Variants in UBE3C observed in about 807,000 individuals in gnomAD.
The protein encoded by UBE3C is ubiquitin protein ligase E3C, also known as ubiquitin-protein ligase E3C.
In UBE3C, 42 loss-of-function variants were observed where a neutral mutation model predicts 129.4. The observed-to-expected ratio is 0.32, with a 90% CI of 0.25 to 0.42. UBE3C has a LOEUF of 0.42. Ranked by LOEUF, UBE3C falls within the 10% of genes least tolerant of loss-of-function variation. The pLI, the probability that UBE3C is intolerant of heterozygous loss-of-function variation, is 1.00. For synonymous variants in UBE3C, 510 were observed against 492.4 expected (o/e 1.04, Z -0.47); for missense variants, 1,049 against 1,319.1 (o/e 0.80, Z 3.17).
At chr7:157,234,560 A>T (rs1320243802) in intron 18 of UBE3C, among the ~76,000 whole-genome samples, 3 of 152,172 alleles carry the variant, frequency 2.0e-5, no homozygotes, top group Non-Finnish European at 4.4e-5. Context: ...TCTATCCTGG[A>T]TATAGAATAA....
chr7:157,264,758 A>G (rs1343587276), intron 22 of UBE3C, among the ~76,000 whole-genome samples: 1 of 152,118 alleles, frequency 6.6e-6, no homozygotes, highest in Non-Finnish European at 1.5e-5. Flanking sequence ...TTTAGTAGAG[A>G]TGGGGTTTCG....
chr7:157,183,993 G>A lies in UBE3C; in HGVS notation c.1107G>A (p.Glu369=). 6.2e-7 allele frequency: 1 copy of A among 1,614,184 alleles called. No homozygotes were observed. The highest frequency in any genetic ancestry group is 2.2e-5 in the East Asian group (1 of 44,874). ...ASCHDSASDS[E]EESEEADKPS... ...GTCACGACTCAGCCAGTGACTCTGAGGAGGAGAGTGAAGAAGCCGACAAGC... is the reference window on the plus strand; with the variant it reads ...GTCACGACTCAGCCAGTGACTCTGAAGAGGAGAGTGAAGAAGCCGACAAGC... Residue 369 remains glutamate (E), a synonymous_variant, in exon 9 of 23, where the codon GAG becomes GAA. Transcript: ENST00000348165.
chr7:157,165,480 C>T (rs577219756), intron 2 of UBE3C, among the ~76,000 whole-genome samples: 47 of 151,352 alleles, frequency 3.1e-4, no homozygotes, highest in African/African-American at 1.0e-3. Flanking sequence ...TCACTGCAAC[C>T]TCCGCCTTCC....
chr7:157,162,270 C>T (rs1343827681), intron 1 of UBE3C, among the ~76,000 whole-genome samples: 1 of 151,990 alleles, frequency 6.6e-6, no homozygotes, highest in Non-Finnish European at 1.5e-5. Context: ...TCTTGGCTCT[C>T]TGCAAGCTCC....
At position 157,163,964 on chromosome 7, in the gene UBE3C, T is replaced by C. The variant is rs1417055127; in HGVS notation, c.120+101T>C. On this transcript the variant is annotated intron_variant, in intron 2 of 22. Transcript: ENST00000348165. Reference sequence around the variant, plus strand: ...TATATGTATGTGTGTATGTATTTTTTATATATGACAGAATGTGTGTGTATG... The same window carrying C: ...TATATGTATGTGTGTATGTATTTTTCATATATGACAGAATGTGTGTGTATG... 5 of 1,077,556 alleles carry C rather than the reference T, an allele frequency of 4.6e-6. No individual in the cohort carries two copies. In the African/African-American group the frequency reaches 6.3e-5, roughly 14 times the overall value. 66.7% of individuals were successfully genotyped at this position (1,077,556 alleles called of 1,614,324 possible).
chr7:157,217,183 A>G lies in UBE3C; in HGVS notation c.1914+212A>G, dbSNP rs553056159. The G allele has an allele frequency of 6.4e-5, 26 of 406,370 alleles. 1 individual carries two copies. The Admixed American group carries it at 9.8e-4, about 15-fold the overall frequency. 25.2% of individuals were successfully genotyped at this position (406,370 alleles called of 1,614,324 possible). A position where few individuals can be genotyped will look rare whatever the true frequency, so the allele number is the denominator to read the frequency against. ...CTTAAAATGATATTCTGAGTTATTA[A>G]TCCTCAATTTTCCTTTTTAACCTGA... On this transcript the variant is annotated intron_variant, in intron 14 of 22. Coordinates refer to ENST00000348165, the MANE Select transcript of UBE3C (RefSeq NM_014671.3).
chr7:157,246,159 G>T (rs763917986), intron 18 of UBE3C, among the ~76,000 whole-genome samples: 2 of 152,150 alleles, frequency 1.3e-5, no homozygotes, highest in African/African-American at 4.8e-5. Flanking sequence ...GAATCTCAAG[G>T]GGTGTCTGAG....
intron 17 of UBE3C, among the ~76,000 whole-genome samples, chr7:157,229,628 T>G (rs1795969133): frequency 6.7e-6 from 1 of 148,266 alleles, no homozygotes; most frequent in South Asian, 2.1e-4. Context: ...GTTTTTGGGG[T>G]TTTTAAATTT....
intron 10 of UBE3C, among the ~76,000 whole-genome samples, chr7:157,200,217 A>C (rs1018518510): frequency 2.0e-5 from 3 of 152,226 alleles, no homozygotes; most frequent in African/African-American, 7.2e-5. Context: ...AGGAAATTTC[A>C]CATGCTCTTT....
intron 15 of UBE3C, 26 bp from the exon 16 acceptor site, chr7:157,223,228 A>G (rs1282223277): frequency 4.3e-6 from 7 of 1,609,360 alleles, no homozygotes; most frequent in Non-Finnish European, 6.0e-6. Flanking sequence ...CAAGTGAACT[A>G]ATTAAGGTTT....
chr7:157,139,910 C>A (rs1424694325), intron 1 of UBE3C: 1 of 753,462 alleles, frequency 1.3e-6, no homozygotes, highest in African/African-American at 1.9e-5. Flanking sequence ...CATGAATAGC[C>A]ACGTGTTTGA....
intron 1 of UBE3C, among the ~76,000 whole-genome samples, chr7:157,154,001 G>T (rs1046427263): frequency 6.6e-6 from 1 of 151,138 alleles, no homozygotes; most frequent in East Asian, 2.0e-4. Context: ...TGTCTGGGGG[G>T]GGAAAAGTTA....
chr7:157,193,452 C>T (rs1809030052), intron 10 of UBE3C, among the ~76,000 whole-genome samples: 1 of 152,128 alleles, frequency 6.6e-6, no homozygotes, highest in Admixed American at 6.5e-5. Context: ...CCAGTGTCTT[C>T]CATTGTGTTC....
rs367900747 is a variant in UBE3C, at chr7:157,225,552, C to A, written c.2233+13C>A. 22 of 1,553,628 alleles carry A rather than the reference C, an allele frequency of 1.4e-5. No homozygotes were observed. In the African/African-American group the frequency reaches 2.4e-4, roughly 17 times the overall value. ...TCTCCAGAAAATGGTATATATAATT[C>A]TTTCTGTGTATTATTTGGCAGGTGG... On this transcript the variant is annotated intron_variant, in intron 17 of 22. Transcript: ENST00000348165.
intron 10 of UBE3C, among the ~76,000 whole-genome samples, chr7:157,188,475 T>C (rs1427391507): frequency 1.3e-5 from 2 of 152,218 alleles, no homozygotes; most frequent in Non-Finnish European, 1.5e-5. Flanking sequence ...GCTAATTGCA[T>C]GAGAGCAGGA....
intron 3 of UBE3C, 56 bp from the exon 4 acceptor site, chr7:157,170,248 G>A: frequency 7.4e-7 from 1 of 1,348,656 alleles, no homozygotes; most frequent in Non-Finnish European, 9.6e-7. Flanking sequence ...TACATCATAA[G>A]AATTGTGTGT....
At chr7:157,231,680 A>T in intron 18 of UBE3C, 1 of 280,910 alleles carries the variant, frequency 3.6e-6, no homozygotes, top group South Asian at 3.9e-5. Context: ...TAGCTTTGTG[A>T]TGCCCTGTGC....
At chr7:157,173,903 A>G (rs1056048141) in intron 4 of UBE3C, among the ~76,000 whole-genome samples, 1 of 152,234 alleles carries the variant, frequency 6.6e-6, no homozygotes, top group Non-Finnish European at 1.5e-5. Context: ...GAATTATTTC[A>G]TCCCAGTTTA....
chr7:157,175,291 G>A lies in UBE3C; in HGVS notation c.458+257G>A, dbSNP rs527640343. ...TTCACGGATGCCTTTGAATTATCTT[G>A]TGAATGATGGCCATCCTGGTTACTG... On this transcript the variant is annotated intron_variant, in intron 5 of 22. Transcript: ENST00000348165. Among the ~76,000 whole-genome samples, 8 of 152,118 alleles carry A rather than the reference G, an allele frequency of 5.3e-5. No individual in the cohort carries two copies. In the South Asian group the frequency reaches 1.7e-3, roughly 32 times the overall value.
Sources: allele counts gnomAD v4.1 joint callset (sites outside exome capture counted in the v4.1 genomes callset), GRCh38; gene constraint gnomAD v4.1.1; transcripts MANE v1.5; gene names NCBI Gene and HGNC (gene_info 2026-07-23, HGNC 2026-07-21).